The following PDE4D variants were observed in gnomAD, a reference collection of about 807,000 sequenced individuals.
PDE4D encodes phosphodiesterase 4D.
In PDE4D, 24 loss-of-function variants were observed where a neutral mutation model predicts 87.4. The observed-to-expected ratio is 0.27, with a 90% CI of 0.20 to 0.39. The LOEUF is 0.39. Among genes scored for constraint, PDE4D ranks in the 10% least tolerant of loss-of-function variants. The pLI is 1.00. For missense variants in PDE4D, 714 were observed against 1,041.0 expected (o/e 0.69, Z 4.32); for synonymous variants, 384 against 383.2 (o/e 1.00, Z -0.02).
chr5:60,047,557 G>T (rs1412437015), intron 2 of PDE4D, among the ~76,000 whole-genome samples: 4 of 152,052 alleles, frequency 2.6e-5, no homozygotes, highest in Admixed American at 6.6e-5. Flanking sequence ...CAGAGATTCT[G>T]GTATGCTGTG....
intron 1 of PDE4D, among the ~76,000 whole-genome samples, chr5:59,844,721 A>T (rs896846565): frequency 6.6e-5 from 10 of 152,076 alleles, no homozygotes; most frequent in African/African-American, 2.4e-4. Context: ...CTTATATGTG[A>T]GCCTAATCAC....
intron 1 of PDE4D, among the ~76,000 whole-genome samples, chr5:60,518,383 C>T (rs1750896969): frequency 6.6e-6 from 1 of 152,192 alleles, no homozygotes; most frequent in Non-Finnish European, 1.5e-5. Context: ...CCCAAGGATC[C>T]TGTGACATTT....
intron 1 of PDE4D, among the ~76,000 whole-genome samples, chr5:59,343,893 G>A (rs954043969): frequency 2.6e-5 from 4 of 152,114 alleles, no homozygotes; most frequent in Admixed American, 6.5e-5. Context: ...TAGTTCAGCC[G>A]GCTGCTGCCC....
chr5:59,650,284 G>C (rs914998748), intron 1 of PDE4D, among the ~76,000 whole-genome samples: 12 of 152,062 alleles, frequency 7.9e-5, no homozygotes, highest in African/African-American at 2.9e-4. Flanking sequence ...TAATGTTTAT[G>C]GTAGTCAATA....
intron 3 of PDE4D, among the ~76,000 whole-genome samples, chr5:59,186,792 CA>C (rs774974595): frequency 6.6e-6 from 1 of 151,966 alleles, no homozygotes; most frequent in Non-Finnish European, 1.5e-5. Context: ...CTCATATAAA[CA>C]ACCCACGGCT....
At chr5:60,349,469 A>G (rs1340198083) in intron 1 of PDE4D, among the ~76,000 whole-genome samples, 3 of 152,200 alleles carry the variant, frequency 2.0e-5, no homozygotes, top group African/African-American at 7.2e-5. Flanking sequence ...ACCATTCATC[A>G]GTAGGGCAAA....
intron 2 of PDE4D, among the ~76,000 whole-genome samples, chr5:60,026,624 T>C (rs533661487): frequency 6.6e-6 from 1 of 152,286 alleles, no homozygotes; most frequent in South Asian, 2.1e-4. Context: ...CTTTTGCTCA[T>C]CACTTTCAAC....
intron 6 of PDE4D, among the ~76,000 whole-genome samples, chr5:59,019,891 CTAT>C: frequency 7.0e-6 from 1 of 142,080 alleles, no homozygotes. Context: ...ATCTATCTAT[CTAT>C]CTATCTATCT....
At chr5:59,184,080 G>A (rs956776565) in intron 4 of PDE4D, among the ~76,000 whole-genome samples, 2 of 152,256 alleles carry the variant, frequency 1.3e-5, no homozygotes, top group Non-Finnish European at 2.9e-5. Flanking sequence ...AATGCTCCAA[G>A]AGAAATTTTA....
chr5:59,248,403 C>G (rs1759298110), intron 1 of PDE4D, among the ~76,000 whole-genome samples: 1 of 151,688 alleles, frequency 6.6e-6, no homozygotes, highest in Non-Finnish European at 1.5e-5. Flanking sequence ...TATCTGCCAC[C>G]TTACCCACCT....
intron 6 of PDE4D, among the ~76,000 whole-genome samples, chr5:59,005,784 T>G (rs7727206): frequency 0.21 from 31,356 of 152,178 alleles, 3,680 homozygotes; most frequent in East Asian, 0.54. Context: ...AATAACTTGC[T>G]CCATAGGTGA....
chr5:60,463,484 G>A (rs1452447803), intron 1 of PDE4D, among the ~76,000 whole-genome samples: 1 of 152,134 alleles, frequency 6.6e-6, no homozygotes, highest in East Asian at 1.9e-4. Flanking sequence ...TATCCTGGGA[G>A]CTTCTCTAAC....
At chr5:59,538,121 A>T (rs2153682808) in intron 1 of PDE4D, among the ~76,000 whole-genome samples, 1 of 152,296 alleles carries the variant, frequency 6.6e-6, no homozygotes, top group Non-Finnish European at 1.5e-5. Flanking sequence ...GCTTTCTAGG[A>T]TTTTGTGCAG....
chr5:59,058,154 T>C (rs1006699554), intron 5 of PDE4D, among the ~76,000 whole-genome samples: 3 of 152,218 alleles, frequency 2.0e-5, no homozygotes, highest in Non-Finnish European at 2.9e-5. Flanking sequence ...TGAAAAAGCA[T>C]GAAACACTTC....
chr5:60,199,550 C>T (rs1448781360), intron 1 of PDE4D, among the ~76,000 whole-genome samples: 1 of 151,660 alleles, frequency 6.6e-6, no homozygotes, highest in Non-Finnish European at 1.5e-5. Flanking sequence ...ATCGGCTACG[C>T]TTTAATCATC....
chr5:60,422,547 C>T lies in PDE4D; in HGVS notation c.-90+65395G>A, dbSNP rs192617071. On this transcript the variant is annotated intron_variant, in intron 1 of 16. Transcript: ENST00000502484. ...CCTAAAAGAGCTCCTGAGGGAAGCACTAAACATGGAAAGGAACAACTGGTA... is the reference window on the plus strand; with the variant it reads ...CCTAAAAGAGCTCCTGAGGGAAGCATTAAACATGGAAAGGAACAACTGGTA... 7.8e-3 allele frequency among the ~76,000 whole-genome samples: 1,194 copies of T among 152,208 alleles called. 16 individuals carry two copies. The highest frequency in any genetic ancestry group is 0.027 in the African/African-American group (1,131 of 41,502).
chr5:59,705,587 T>C (rs1177207852), intron 1 of PDE4D, among the ~76,000 whole-genome samples: 1 of 152,162 alleles, frequency 6.6e-6, no homozygotes, highest in Non-Finnish European at 1.5e-5. Flanking sequence ...TTTTGTTTCA[T>C]AACAATCCTA....
At chr5:59,451,692 C>T (rs780050142) in intron 1 of PDE4D, among the ~76,000 whole-genome samples, 21 of 152,218 alleles carry the variant, frequency 1.4e-4, no homozygotes, top group Admixed American at 9.2e-4. Context: ...AGCTCACTTT[C>T]CTCCATTGCC....
chr5:59,727,196 T>C (rs2150584046), intron 1 of PDE4D, among the ~76,000 whole-genome samples: 1 of 152,262 alleles, frequency 6.6e-6, no homozygotes, highest in Middle Eastern at 3.4e-3. Flanking sequence ...GAGAGACTAA[T>C]TTAGCAGGCA....
Sources: allele counts gnomAD v4.1 joint callset (sites outside exome capture counted in the v4.1 genomes callset), GRCh38; gene constraint gnomAD v4.1.1; transcripts MANE v1.5; gene names NCBI Gene and HGNC (gene_info 2026-07-23, HGNC 2026-07-21).